Variants in TMEM240 observed in about 807,000 individuals in gnomAD.
The protein encoded by TMEM240 is transmembrane protein C1orf70.
A neutral mutation model predicts 19.5 loss-of-function variants in TMEM240; 3 were observed. The observed-to-expected ratio is 0.15, with a 90% CI of 0.07 to 0.40. TMEM240 has a LOEUF of 0.40. Among genes scored for constraint, TMEM240 ranks in the 10% least tolerant of loss-of-function variants. The pLI is 1.00. For missense variants in TMEM240, 210 were observed against 253.5 expected, an observed-to-expected ratio of 0.83 and a Z score of 1.17; for synonymous variants, 123 against 109.3, an observed-to-expected ratio of 1.13 and a Z score of -0.78.
chr1:1,538,586 C>T (rs1296811154), intron 2 of TMEM240, among the ~76,000 whole-genome samples: 1 of 152,226 alleles, frequency 6.6e-6, no homozygotes, highest in Non-Finnish European at 1.5e-5. Flanking sequence ...ACCTGCCAGC[C>T]AGGGACACGG....
rs1106226 is a variant in TMEM240, at chr1:1,535,512, G to A, written c.374-5C>T. 44,398 of 1,541,710 alleles carry A rather than the reference G, an allele frequency of 0.029. 4,163 individuals are homozygous for A. The highest frequency in any genetic ancestry group is 0.25 in the East Asian group (10,057 of 40,572). On this transcript the variant is annotated splice_polypyrimidine_tract_variant and splice_region_variant and intron_variant, in intron 3 of 3. Coordinates refer to ENST00000378733, the MANE Select transcript of TMEM240 (RefSeq NM_001114748.2). This position sits in a 1 kb window ranked among gnomAD's most constrained non-coding sequence, Gnocchi z 8.2. ...GCAGCCAGGTCCACGAGCCATCTGC[G>A]GGGGGACAGGGGCGGTCAGGCGGCT...
Position 1,535,235 on chromosome 1 carries a change from C to A in TMEM240, c.*124G>T. On this transcript the variant is annotated 3_prime_UTR_variant, in exon 4 of 4. Transcript: ENST00000378733. The surrounding 1 kb of genome is among the most constrained non-coding windows in gnomAD (Gnocchi z 8.2). ...TCCACTGGACTCTCCCGGCCGGCCA[C>A]AGCCCCGGACAACCTGGGCCCAGGG... The A allele has an allele frequency of 8.6e-7, 1 of 1,167,366 alleles. No homozygotes were observed. Among genetic ancestry groups the A allele is most frequent in the Non-Finnish European group, 1.2e-6 (1 of 846,714 alleles). 72.3% of individuals were successfully genotyped at this position (1,167,366 alleles called of 1,614,324 possible). A position where few individuals can be genotyped will look rare whatever the true frequency, so the allele number is the denominator to read the frequency against.
At position 1,535,923 on chromosome 1, in the gene TMEM240, C is replaced by CAT; in HGVS notation, c.165-127_165-126insAT. 2.5e-6 allele frequency: 1 copy of CAT among 404,330 alleles called. No homozygotes were observed. The highest frequency in any genetic ancestry group is 1.8e-5 in the South Asian group (1 of 54,506). 25.0% of individuals were successfully genotyped at this position (404,330 alleles called of 1,614,324 possible). A position where few individuals can be genotyped will look rare whatever the true frequency, so the allele number is the denominator to read the frequency against. ...CCCTGGGGGTTCTCTGAAGCAGCCTCTTGGGCGGGCGGGTCGGGAAGGGGG... is the reference window on the plus strand; with the variant it reads ...CCCTGGGGGTTCTCTGAAGCAGCCTCATTTGGGCGGGCGGGTCGGGAAGGGGG... On this transcript the variant is annotated intron_variant, in intron 2 of 3. Coordinates refer to ENST00000378733, the MANE Select transcript of TMEM240 (RefSeq NM_001114748.2). This position sits in a 1 kb window ranked among gnomAD's most constrained non-coding sequence, Gnocchi z 8.2.
At chr1:1,539,586 C>G (rs964637155) in intron 2 of TMEM240, 98 bp downstream of exon 2, 1 of 1,101,252 alleles carries the variant, frequency 9.1e-7, no homozygotes, top group African/African-American at 1.6e-5. Context: ...TGGAAGGCGG[C>G]TCGCGGCCTG....
chr1:1,538,704 GTTC>G (rs1642257926), intron 2 of TMEM240, among the ~76,000 whole-genome samples: 2 of 152,246 alleles, frequency 1.3e-5, no homozygotes, highest in Non-Finnish European at 2.9e-5. Flanking sequence ...TAACACCCGT[GTTC>G]TTCATCGACA....
At chr1:1,537,272 G>A (rs1009421524) in intron 2 of TMEM240, among the ~76,000 whole-genome samples, 1 of 151,894 alleles carries the variant, frequency 6.6e-6, no homozygotes, top group African/African-American at 2.4e-5. Flanking sequence ...CTCTCGGTGA[G>A]GAGTGACCAT....
At position 1,535,601 on chromosome 1, in the gene TMEM240, C is replaced by CG; in HGVS notation, c.360dup (p.Gly121ArgfsTer112). On this transcript the variant is annotated frameshift_variant, in exon 3 of 4. Coordinates refer to ENST00000378733, the MANE Select transcript of TMEM240 (RefSeq NM_001114748.2). LOFTEE classifies it high-confidence loss of function. This position sits in a 1 kb window ranked among gnomAD's most constrained non-coding sequence, Gnocchi z 8.2. The stretch of plus-strand genomic sequence containing the variant: ...ACGAGGCACTCACCGTAGCGCCGTC[C>CG]GGCTCTCCAGGCGCGCACGGCGCAG... 1 of 1,549,406 alleles carries CG rather than the reference C, an allele frequency of 6.5e-7. No individual in the cohort carries two copies. The highest frequency in any genetic ancestry group is 8.7e-7 in the Non-Finnish European group (1 of 1,146,376).
In TMEM240 at chr1:1,535,494, G is replaced by C. The variant is rs1435405406; in HGVS notation, c.387C>G (p.Thr129=). ...RAGRRYDGSW[T]WLPKLCSLRE... is the part of the protein sequence containing the mutation. ...GCAGGCTGCACAGCTTGGGCAGCCA[G>C]GTCCACGAGCCATCTGCGGGGGGAC... The change falls in exon 4 of 4, where the codon ACC becomes ACG. Residue 129 remains threonine, a synonymous_variant. Coordinates refer to ENST00000378733, the MANE Select transcript of TMEM240 (RefSeq NM_001114748.2). The surrounding 1 kb of genome is among the most constrained non-coding windows in gnomAD (Gnocchi z 8.2). 18 of 1,547,100 alleles carry C rather than the reference G, an allele frequency of 1.2e-5. No individual in the cohort carries two copies. Among genetic ancestry groups the C allele is most frequent in the Non-Finnish European group, 1.5e-5 (17 of 1,145,268 alleles).
In TMEM240 at chr1:1,535,832, C is replaced by T; in HGVS notation, c.165-35G>A. 6.5e-7 allele frequency: 1 copy of T among 1,537,052 alleles called. No homozygotes were observed. Among genetic ancestry groups the T allele is most frequent in the Admixed American group, 2.0e-5 (1 of 50,892 alleles). On this transcript the variant is annotated intron_variant, in intron 2 of 3. Transcript: ENST00000378733. This position sits in a 1 kb window ranked among gnomAD's most constrained non-coding sequence, Gnocchi z 8.2. ...GCAGGGCGGGCTGGCACCTCTCCCGCCACCCCCGGCCTGGCCTTCCCCCGG... is the reference window on the plus strand; with the variant it reads ...GCAGGGCGGGCTGGCACCTCTCCCGTCACCCCCGGCCTGGCCTTCCCCCGG...
intron 2 of TMEM240, among the ~76,000 whole-genome samples, chr1:1,538,007 T>TACAC: frequency 6.6e-6 from 1 of 152,176 alleles, no homozygotes; most frequent in Non-Finnish European, 1.5e-5. Flanking sequence ...AACACCAGCG[T>TACAC]GTACACACAG....
chr1:1,535,913 GAAGCAGCCTCTTGGGCGGGCGGGTC>G lies in TMEM240; in HGVS notation c.165-141_165-117del. 3 of 436,984 alleles carry G rather than the reference GAAGCAGCCTCTTGGGCGGGCGGGTC, an allele frequency of 6.9e-6. No individual in the cohort carries two copies. The highest frequency in any genetic ancestry group is 1.3e-5 in the Non-Finnish European group (3 of 223,120). The allele number at this position is 436,984 out of a possible 1,614,324, so 27.1% of individuals were successfully genotyped here. A position where few individuals can be genotyped will look rare whatever the true frequency, so the allele number is the denominator to read the frequency against. The stretch of plus-strand genomic sequence containing the variant: ...CGTCAGGCCGCCCTGGGGGTTCTCT[GAAGCAGCCTCTTGGGCGGGCGGGTC>G]GGGAAGGGGGCACCAGACTCAACGA... On this transcript the variant is annotated intron_variant, in intron 2 of 3. Transcript: ENST00000378733. The surrounding 1 kb of genome is among the most constrained non-coding windows in gnomAD (Gnocchi z 8.2).
In TMEM240 at chr1:1,534,922, G is replaced by GC. The variant is rs1283791775; in HGVS notation, c.*436dup. On this transcript the variant is annotated 3_prime_UTR_variant, in exon 4 of 4. Transcript: ENST00000378733. ...CTGTGCACACGCGGGTGCTCCCCTC[G>GC]CCCCCCTCCCCTCCGCCCAAGCTGG... Among the ~76,000 whole-genome samples the GC allele has an allele frequency of 4.4e-5, 5 of 113,184 alleles. No homozygotes were observed. Among genetic ancestry groups the GC allele is most frequent in the Admixed American group, 8.8e-5 (1 of 11,366 alleles). The allele number at this position is 113,184 out of a possible 152,430, so 74.3% of individuals were successfully genotyped here.
Position 1,540,414 on chromosome 1 carries a change from G to T in TMEM240, c.-68C>A. ...GGCGCCCCCCCGGCCCCGGCCCGAT[G>T]CTGAGCCCCCGCCGCCTCCGCAGAG... On this transcript the variant is annotated 5_prime_UTR_variant, in exon 1 of 4. Transcript: ENST00000378733. The T allele has an allele frequency of 1.6e-6, 1 of 638,074 alleles. No homozygotes were observed. Among genetic ancestry groups the T allele is most frequent in the Non-Finnish European group, 2.0e-6 (1 of 490,916 alleles). The allele number at this position is 638,074 out of a possible 1,614,324, so 39.5% of individuals were successfully genotyped here.
Position 1,535,602 on chromosome 1 carries a change from G to A in TMEM240, c.360C>T (p.Ala120=), listed in dbSNP as rs183867156. ...VLHCAVRAWR[A]GRRYDGSWTW... is the part of the protein sequence containing the mutation. ...CGAGGCACTCACCGTAGCGCCGTCC[G>A]GCTCTCCAGGCGCGCACGGCGCAGT... The change falls in exon 3 of 4, where the codon GCC becomes GCT. Residue 120 remains alanine (A), a synonymous_variant. Coordinates refer to ENST00000378733, the MANE Select transcript of TMEM240 (RefSeq NM_001114748.2). The surrounding 1 kb of genome is among the most constrained non-coding windows in gnomAD (Gnocchi z 8.2). 5.2e-5 allele frequency: 81 copies of A among 1,549,390 alleles called. No individual in the cohort carries two copies. Among genetic ancestry groups the A allele is most frequent in the South Asian group, 5.9e-5 (5 of 84,052 alleles).
At position 1,535,775 on chromosome 1, in the gene TMEM240, G is replaced by A; in HGVS notation, c.187C>T (p.Pro63Ser). The A allele has an allele frequency of 6.5e-7, 1 of 1,550,044 alleles. No individual in the cohort carries two copies. Among genetic ancestry groups the A allele is most frequent in the Non-Finnish European group, 8.7e-7 (1 of 1,146,578 alleles). Reference sequence around the variant, plus strand: ...ACCACCGACTGGTCCCCGTCGTACGGGATCACGTAGTGGATATGGTGCCTG... The same window carrying A: ...ACCACCGACTGGTCCCCGTCGTACGAGATCACGTAGTGGATATGGTGCCTG... Reference protein sequence around the residue: ...CGRHHIHYVIPYDGDQSVVDA... With the variant: ...CGRHHIHYVISYDGDQSVVDA... Residue 63 changes from proline to serine, a missense_variant, in exon 3 of 4, where the codon CCG (proline) becomes TCG (serine). Transcript: ENST00000378733. This position sits in a 1 kb window ranked among gnomAD's most constrained non-coding sequence, Gnocchi z 8.2.
At chr1:1,537,266 C>T (rs965963722) in intron 2 of TMEM240, among the ~76,000 whole-genome samples, 11 of 152,018 alleles carry the variant, frequency 7.2e-5, no homozygotes, top group African/African-American at 2.2e-4. Flanking sequence ...GCAGGGCTCT[C>T]GGTGAGGAGT....
Position 1,540,451 on chromosome 1 carries a change from C to T in TMEM240, c.-105G>A, listed in dbSNP as rs1263385122. The T allele has an allele frequency of 6.5e-6, 2 of 308,000 alleles. No individual in the cohort carries two copies. The highest frequency in any genetic ancestry group is 9.9e-6 in the Non-Finnish European group (2 of 202,976). The allele number at this position is 308,000 out of a possible 1,614,324, so 19.1% of individuals were successfully genotyped here. On this transcript the variant is annotated 5_prime_UTR_variant, in exon 1 of 4. Transcript: ENST00000378733. ...CCGCCTCCGCAGAGGTCAGCGCTTC[C>T]CTGGATCGTCCGCCGCCGCTCGCTG...
intron 1 of TMEM240, 25 bp from the exon 2 acceptor site, chr1:1,539,815 C>T (rs934606593): frequency 2.6e-6 from 4 of 1,536,700 alleles, no homozygotes; most frequent in Non-Finnish European, 3.5e-6. Context: ...GACCGGTCAG[C>T]GCCAAGGAGC....
intron 2 of TMEM240, among the ~76,000 whole-genome samples, chr1:1,537,644 A>G (rs1321059599): frequency 3.3e-5 from 5 of 152,102 alleles, no homozygotes; most frequent in Non-Finnish European, 7.4e-5. Flanking sequence ...ACATGTACAT[A>G]CGTGTGTCCT....
Sources: allele counts gnomAD v4.1 joint callset (sites outside exome capture counted in the v4.1 genomes callset), GRCh38; gene constraint gnomAD v4.1.1; non-coding constraint Gnocchi (gnomAD v3.1); transcripts MANE v1.5; gene names NCBI Gene and HGNC (gene_info 2026-07-23, HGNC 2026-07-21).